Variants in GRIP1 observed in about 807,000 individuals in gnomAD.
GRIP1 encodes the protein glutamate receptor-interacting protein 1.
Under a neutral mutation model 129.9 loss-of-function variants are expected in GRIP1, and 45 were observed. That is an observed-to-expected ratio of 0.35 (90% CI 0.27 to 0.44). The LOEUF (loss-of-function observed/expected upper bound fraction) is 0.44. Among genes scored for constraint, GRIP1 ranks in the 20% least tolerant of loss-of-function variants. The probability of loss-of-function intolerance (pLI) is 1.00; values close to 1 mark genes in which losing one functional copy is unlikely to be tolerated. For missense variants in GRIP1, 1,196 were observed against 1,396.8 expected, an observed-to-expected ratio of 0.86 and a Z score of 2.29; for synonymous variants, 530 against 520.8, an observed-to-expected ratio of 1.02 and a Z score of -0.24.
chr12:66,654,861 G>A (rs984822568), intron 1 of GRIP1, among the ~76,000 whole-genome samples: 5 of 152,164 alleles, frequency 3.3e-5, no homozygotes, highest in Non-Finnish European at 7.4e-5. Context: ...TTTAAATATT[G>A]TAAGTCTGGG....
chr12:66,937,970 C>A (rs769034653), intron 1 of GRIP1, among the ~76,000 whole-genome samples: 1 of 152,092 alleles, frequency 6.6e-6, no homozygotes, highest in Admixed American at 6.5e-5. Flanking sequence ...TGAACTATAG[C>A]TAGTCTGAAT....
At chr12:66,416,533 G>A (rs905768855) in intron 15 of GRIP1, among the ~76,000 whole-genome samples, 1 of 152,006 alleles carries the variant, frequency 6.6e-6, no homozygotes, top group Non-Finnish European at 1.5e-5. Flanking sequence ...AATAAAAAAA[G>A]GAGAAGACCC....
intron 1 of GRIP1, among the ~76,000 whole-genome samples, chr12:66,868,370 T>G (rs942536899): frequency 1.3e-5 from 2 of 152,054 alleles, no homozygotes; most frequent in Non-Finnish European, 2.9e-5. Context: ...GAAGACTCAA[T>G]GAGACATCTT....
rs530077326 is a variant in GRIP1 at position 66,847,570 on chromosome 12, T to C, written c.58+221480A>G. 1.1e-4 allele frequency among the ~76,000 whole-genome samples: 17 copies of C among 152,304 alleles called. No homozygotes were observed. In the South Asian group the frequency reaches 1.5e-3, roughly 13 times the overall value. ...CTATCCATTACACATATAGTACTTA[T>C]GTATGTCATTAATGTGAACTTTGAA... is the stretch of plus-strand genomic sequence containing the variant. On this transcript the variant is annotated intron_variant, in intron 1 of 1. Transcript: ENST00000643019.
At chr12:66,524,046 A>G (rs1431424894) in intron 5 of GRIP1, among the ~76,000 whole-genome samples, 3 of 152,186 alleles carry the variant, frequency 2.0e-5, no homozygotes, top group African/African-American at 4.8e-5. Flanking sequence ...TTAGTGACCT[A>G]CAAAGAGACT....
intron 2 of GRIP1, among the ~76,000 whole-genome samples, chr12:66,574,746 C>T (rs1230689097): frequency 1.3e-5 from 2 of 151,730 alleles, no homozygotes; most frequent in African/African-American, 4.8e-5. Context: ...CTCTACTTGT[C>T]CTCTTGCAGC....
Position 66,705,456 on chromosome 12 carries a change from A to G in GRIP1, c.-419-75120T>C, listed in dbSNP as rs956310389. 7.2e-5 allele frequency among the ~76,000 whole-genome samples: 11 copies of G among 152,316 alleles called. No homozygotes were observed. In the South Asian group the frequency reaches 2.3e-3, roughly 32 times the overall value. On this transcript the variant is annotated intron_variant, in intron 1 of 4. Coordinates refer to the GRIP1 transcript ENST00000538373. Reference sequence around the variant, plus strand: ...CCATTCTCATGGACAGGAAGAATCAATATCGTGAAAATGGCCATACTGCCC... The same window carrying G: ...CCATTCTCATGGACAGGAAGAATCAGTATCGTGAAAATGGCCATACTGCCC...
intron 1 of GRIP1, among the ~76,000 whole-genome samples, chr12:66,776,269 T>C (rs1039541840): frequency 6.6e-6 from 1 of 152,218 alleles, no homozygotes; most frequent in Admixed American, 6.5e-5. Context: ...AATTCAGTCC[T>C]ACTCAGGTTT....
intron 1 of GRIP1, among the ~76,000 whole-genome samples, chr12:66,628,910 A>G (rs879759983): frequency 2.0e-5 from 3 of 152,220 alleles, no homozygotes; most frequent in Non-Finnish European, 4.4e-5. Context: ...CCACCAAACT[A>G]TGAATTCCAA....
chr12:66,520,399 C>T (rs147767706), intron 5 of GRIP1, among the ~76,000 whole-genome samples: 289 of 152,228 alleles, frequency 1.9e-3, no homozygotes, highest in African/African-American at 6.7e-3. Context: ...TTCAAAACTC[C>T]AAAAACTTTT....
At chr12:66,607,208 T>C (rs999550336) in intron 1 of GRIP1, among the ~76,000 whole-genome samples, 1 of 152,194 alleles carries the variant, frequency 6.6e-6, no homozygotes, top group African/African-American at 2.4e-5. Context: ...TTTTTAGACA[T>C]CACTTCTTCA....
At chr12:66,484,846 AAGAAATT>A (rs1372779864) in intron 7 of GRIP1, among the ~76,000 whole-genome samples, 1 of 152,202 alleles carries the variant, frequency 6.6e-6, no homozygotes, top group Non-Finnish European at 1.5e-5. Context: ...TCTCAACTCA[AAGAAATT>A]ATAAATGTTT....
intron 1 of GRIP1, among the ~76,000 whole-genome samples, chr12:66,686,731 T>A (rs186328176): frequency 6.6e-6 from 1 of 152,290 alleles, no homozygotes; most frequent in East Asian, 1.9e-4. Flanking sequence ...AGGAAGGAGT[T>A]AAGTTTTCCA....
chr12:66,620,512 A>C (rs1190257325), intron 1 of GRIP1, among the ~76,000 whole-genome samples: 1 of 152,036 alleles, frequency 6.6e-6, no homozygotes, highest in Non-Finnish European at 1.5e-5. Context: ...TGGACATTCT[A>C]CTTCATTATC....
At chr12:66,428,979 A>T (rs1268643149) in intron 14 of GRIP1, among the ~76,000 whole-genome samples, 1 of 152,246 alleles carries the variant, frequency 6.6e-6, no homozygotes, top group African/African-American at 2.4e-5. Flanking sequence ...CCTGAACTGC[A>T]TCCTTCTGCT....
At chr12:67,064,861 C>T (rs2043595193) in intron 1 of GRIP1, among the ~76,000 whole-genome samples, 1 of 151,322 alleles carries the variant, frequency 6.6e-6, no homozygotes, top group African/African-American at 2.4e-5. Context: ...ACTAACTCGT[C>T]ATCTAGCATT....
At chr12:66,422,933 G>A (rs2057859374) in intron 14 of GRIP1, among the ~76,000 whole-genome samples, 1 of 152,112 alleles carries the variant, frequency 6.6e-6, no homozygotes, top group Non-Finnish European at 1.5e-5. Context: ...TGCATGGTCC[G>A]GGGGCCCAGT....
intron 7 of GRIP1, among the ~76,000 whole-genome samples, chr12:66,505,543 C>G (rs570166756): frequency 2.6e-5 from 4 of 152,306 alleles, no homozygotes; most frequent in South Asian, 4.1e-4. Context: ...CTGTAAATCA[C>G]TACCCTTTGT....
intron 1 of GRIP1, among the ~76,000 whole-genome samples, chr12:66,601,780 G>A (rs1360012274): frequency 1.3e-5 from 2 of 152,150 alleles, no homozygotes; most frequent in African/African-American, 4.8e-5. Context: ...AGAAAAGTCT[G>A]GTTTCCATTA....
Sources: allele counts gnomAD v4.1 joint callset (sites outside exome capture counted in the v4.1 genomes callset), GRCh38; gene constraint gnomAD v4.1.1; transcripts MANE v1.5; gene names NCBI Gene and HGNC (gene_info 2026-07-23, HGNC 2026-07-21).